The following RPS17 variants were observed in gnomAD, a reference collection of about 807,000 sequenced individuals.
RPS17 encodes ribosomal protein S17.
For missense variants in RPS17, 68 were observed against 182.3 expected, an observed-to-expected ratio of 0.37 and a Z score of 3.61; for synonymous variants, 75 against 65.6, an observed-to-expected ratio of 1.14 and a Z score of -0.70.
rs1477868975 is a variant in RPS17 at position 82,538,384 on chromosome 15, G to A, written c.262-13C>T. ...CCAAGGCTGAGACCTACAAGGAAAC[G>A]AGGTAGGGTCAAAATACCAATCAAT... On this transcript the variant is annotated splice_polypyrimidine_tract_variant and intron_variant, in intron 3 of 4. Coordinates refer to ENST00000647841, the MANE Select transcript of RPS17 (RefSeq NM_001021.6). 15 of 1,611,658 alleles carry A rather than the reference G, an allele frequency of 9.3e-6. No individual in the cohort carries two copies. Among genetic ancestry groups the A allele is most frequent in the African/African-American group, 2.7e-5 (2 of 74,956 alleles).
chr15:82,537,179 T>C (rs2150886843), intron 4 of RPS17: 1 of 492,360 alleles, frequency 2.0e-6, no homozygotes, highest in East Asian at 3.9e-5. Context: ...TAAAACACCG[T>C]TTCTCAATCT....
intron 2 of RPS17, 36 bp downstream of exon 2, chr15:82,539,945 C>G: frequency 6.2e-7 from 1 of 1,612,040 alleles, no homozygotes; most frequent in South Asian, 1.1e-5. Flanking sequence ...ACAAACAGAT[C>G]GCGGAGCCCC....
chr15:82,540,222 C>A, intron 1 of RPS17, 90 bp from the exon 2 acceptor site: 2 of 1,610,616 alleles, frequency 1.2e-6, no homozygotes, highest in South Asian at 1.1e-5. Flanking sequence ...TGGTTGGGGA[C>A]CGCCGGCTGC....
chr15:82,540,434 C>T lies in RPS17; in HGVS notation c.-6G>A. Reference sequence around the variant, plus strand: ...CGAGCCAAAACACCTACCATGTTGGCGGGTCCTTGGTAAAAGAGGAAACAG... The same window carrying T: ...CGAGCCAAAACACCTACCATGTTGGTGGGTCCTTGGTAAAAGAGGAAACAG... On this transcript the variant is annotated 5_prime_UTR_variant, in exon 1 of 5. Transcript: ENST00000647841. 1.3e-6 allele frequency: 2 copies of T among 1,594,448 alleles called. No homozygotes were observed. The highest frequency in any genetic ancestry group is 1.7e-6 in the Non-Finnish European group (2 of 1,171,736).
chr15:82,539,879 G>C, intron 2 of RPS17, 102 bp downstream of exon 2: 2 of 1,582,696 alleles, frequency 1.3e-6, no homozygotes, highest in Non-Finnish European at 1.7e-6. Context: ...GGGAGTCTCA[G>C]GCTAACGAAA....
At chr15:82,539,069 AC>A in intron 2 of RPS17, 84 bp from the exon 3 acceptor site, 1 of 1,319,812 alleles carries the variant, frequency 7.6e-7, no homozygotes, top group Non-Finnish European at 1.1e-6. Flanking sequence ...ATATATAAAT[AC>A]CCGCTTTAGT....
chr15:82,537,467 G>A (rs1287515087), intron 4 of RPS17: 24 of 286,370 alleles, frequency 8.4e-5, no homozygotes, highest in Non-Finnish European at 5.4e-5. Context: ...AAGTACACAA[G>A]GCATCAAGCA....
chr15:82,540,443 G>A lies in RPS17; in HGVS notation c.-15C>T, dbSNP rs1005357035. 2 of 1,592,122 alleles carry A rather than the reference G, an allele frequency of 1.3e-6. No individual in the cohort carries two copies. The highest frequency in any genetic ancestry group is 1.8e-5 in the Admixed American group (1 of 54,818). On this transcript the variant is annotated 5_prime_UTR_variant, in exon 1 of 5. Transcript: ENST00000647841. ...ACACCTACCATGTTGGCGGGTCCTT[G>A]GTAAAAGAGGAAACAGGAAGCACAG... is the stretch of plus-strand genomic sequence containing the variant.
At chr15:82,538,634 C>T (rs2034282725) in intron 3 of RPS17, 5 of 643,968 alleles carry the variant, frequency 7.8e-6, no homozygotes, top group East Asian at 5.5e-5. Flanking sequence ...GGCAAACAAT[C>T]GAGCCACGAC....
intron 2 of RPS17, chr15:82,539,509 GA>G: frequency 2.2e-6 from 1 of 457,640 alleles, no homozygotes; most frequent in South Asian, 1.5e-5. Flanking sequence ...TCAACATTGT[GA>G]AACCCTGTTG....
At chr15:82,539,372 G>A in intron 2 of RPS17, 1 of 467,488 alleles carries the variant, frequency 2.1e-6, no homozygotes, top group Non-Finnish European at 4.3e-6. Context: ...AACAGTAACT[G>A]CAACTGTGAA....
rs1449105142 is a variant in RPS17 at position 82,536,771 on chromosome 15, T to C, written c.*30A>G. On this transcript the variant is annotated 3_prime_UTR_variant, in exon 5 of 5. Transcript: ENST00000647841. ...AGGCAAGGCTGTTGTCCCAGATTTA[T>C]TGAAAATAATACAGCACTACAGAAA... The C allele has an allele frequency of 8.7e-6, 14 of 1,613,172 alleles. No individual in the cohort carries two copies. Among genetic ancestry groups the C allele is most frequent in the South Asian group, 2.2e-5 (2 of 91,060 alleles).
At chr15:82,539,889 A>G in intron 2 of RPS17, 92 bp downstream of exon 2, 1 of 1,602,826 alleles carries the variant, frequency 6.2e-7, no homozygotes, top group Non-Finnish European at 8.5e-7. Flanking sequence ...GGCTAACGAA[A>G]CCACCAAGGC....
intron 1 of RPS17, 66 bp downstream of exon 1, chr15:82,540,360 G>C: frequency 6.3e-7 from 1 of 1,585,066 alleles, no homozygotes; most frequent in East Asian, 2.3e-5. Flanking sequence ...TGTGGGCTGA[G>C]GACCGCGGGA....
chr15:82,538,981 C>G lies in RPS17; in HGVS notation c.160G>C (p.Val54Leu), dbSNP rs1222131687. Residue 54 changes from valine (V) to leucine (L), a missense_variant, in exon 3 of 5, where the codon GTC becomes CTC. Val to Leu is a conservative substitution (Grantham distance 32). Coordinates refer to ENST00000647841, the MANE Select transcript of RPS17 (RefSeq NM_001021.6). ...KKLRNKIAGYVTHLMKRIQRG... is the reference protein window; with the variant it reads ...KKLRNKIAGYLTHLMKRIQRG... ...TGAATTCGCTTCATCAGATGCGTGA[C>G]ATAACTACAAAGCACACACAGCCAA... The G allele has an allele frequency of 6.8e-6, 11 of 1,613,908 alleles. No homozygotes were observed. The highest frequency in any genetic ancestry group is 4.4e-5 in the South Asian group (4 of 91,078).
Position 82,538,028 on chromosome 15 carries a change from G to A in RPS17, c.327+278C>T, listed in dbSNP as rs1254884695. ...ATTCAGCCAGGGCTGACACAAAGGG[G>A]GCAACGTAAGCCAGCTATAAAACCA... On this transcript the variant is annotated intron_variant, in intron 4 of 4. Coordinates refer to ENST00000647841, the MANE Select transcript of RPS17 (RefSeq NM_001021.6). 17 of 507,666 alleles carry A rather than the reference G, an allele frequency of 3.3e-5. 1 individual carries two copies. The highest frequency in any genetic ancestry group is 3.0e-4 in the Middle Eastern group (1 of 3,376). 31.4% of individuals were successfully genotyped at this position (507,666 alleles called of 1,614,324 possible). A position where few individuals can be genotyped will look rare whatever the true frequency, so the allele number is the denominator to read the frequency against.
chr15:82,539,497 G>A (rs1383192063), intron 2 of RPS17: 3 of 457,932 alleles, frequency 6.6e-6, no homozygotes, highest in Non-Finnish European at 1.3e-5. Flanking sequence ...AGACCAGCCT[G>A]GTCAACATTG....
intron 4 of RPS17, 116 bp downstream of exon 4, chr15:82,538,190 A>T: frequency 8.7e-7 from 1 of 1,143,292 alleles, no homozygotes; most frequent in African/African-American, 1.5e-5. Context: ...AGTGGCTACA[A>T]GTTTAGATGG....
intron 4 of RPS17, 76 bp from the exon 5 acceptor site, chr15:82,536,957 C>T (rs1212398647): frequency 6.4e-7 from 1 of 1,564,420 alleles, no homozygotes; most frequent in Non-Finnish European, 8.8e-7. Context: ...AACACAGGCC[C>T]CTAGAGCCAC....
Sources: gnomAD v4.1 joint callset for allele counts on GRCh38, gnomAD v4.1.1 for gene constraint, MANE v1.5 for transcripts, NCBI Gene and HGNC (gene_info 2026-07-23, HGNC 2026-07-21) for gene names.